The following SBF2 variants were observed in gnomAD, a reference collection of about 807,000 sequenced individuals.
SBF2 encodes the protein myotubularin-related protein 13.
Under a neutral mutation model 225.2 loss-of-function variants are expected in SBF2, and 112 were observed. That is an observed-to-expected ratio of 0.50 (90% confidence interval 0.43 to 0.58). SBF2 has a LOEUF of 0.58. Among genes scored for constraint, SBF2 ranks in the 20% least tolerant of loss-of-function variants. The probability of loss-of-function intolerance (pLI) is 0.00; values close to 1 mark genes in which losing one functional copy is unlikely to be tolerated. For missense variants in SBF2, 1,996 were observed against 2,206.2 expected (o/e 0.90, Z 1.91); for synonymous variants, 763 against 773.3 (o/e 0.99, Z 0.22).
At chr11:9,997,961 A>G (rs1947781645) in intron 9 of SBF2, among the ~76,000 whole-genome samples, 1 of 152,192 alleles carries the variant, frequency 6.6e-6, no homozygotes, top group Non-Finnish European at 1.5e-5. Flanking sequence ...GGAATCAGGG[A>G]TTTCAAGGCA....
At chr11:10,217,197 C>A (rs1032170131) in intron 1 of SBF2, among the ~76,000 whole-genome samples, 1 of 152,056 alleles carries the variant, frequency 6.6e-6, no homozygotes, top group African/African-American at 2.4e-5. Context: ...ATACAAAATT[C>A]CCCATCCTTC....
intron 1 of SBF2, among the ~76,000 whole-genome samples, chr11:10,243,705 C>G (rs958814598): frequency 6.6e-6 from 1 of 152,026 alleles, no homozygotes; most frequent in Non-Finnish European, 1.5e-5. Flanking sequence ...ACAACCTAAA[C>G]AGATAAATTC....
intron 1 of SBF2, among the ~76,000 whole-genome samples, chr11:10,254,924 A>T (rs1345809676): frequency 2.8e-5 from 4 of 145,244 alleles, no homozygotes; most frequent in African/African-American, 1.0e-4. Flanking sequence ...AAAAAAAAAA[A>T]AAAAAAAAAA....
chr11:9,905,545 T>A (rs17355924), intron 16 of SBF2, among the ~76,000 whole-genome samples: 1 of 151,992 alleles, frequency 6.6e-6, no homozygotes, highest in South Asian at 2.1e-4. Context: ...CAGGAGGAAA[T>A]AGGGATGACA....
chr11:10,282,468 A>C (rs1385423925), intron 1 of SBF2, among the ~76,000 whole-genome samples: 2 of 152,008 alleles, frequency 1.3e-5, no homozygotes, highest in African/African-American at 4.8e-5. Flanking sequence ...TAAACACCTA[A>C]ATGACATCTC....
At chr11:10,003,695 T>A (rs554608682) in intron 6 of SBF2, among the ~76,000 whole-genome samples, 2 of 152,144 alleles carry the variant, frequency 1.3e-5, no homozygotes, top group Admixed American at 1.3e-4. Flanking sequence ...TCTTCTCTTT[T>A]TTCCTTCTTT....
chr11:10,208,420 T>C (rs1263127409), intron 1 of SBF2, among the ~76,000 whole-genome samples: 2 of 152,112 alleles, frequency 1.3e-5, no homozygotes, highest in African/African-American at 4.8e-5. Context: ...ACCTTCATTT[T>C]GTATGATGTA....
At chr11:9,847,917 G>A (rs1339899792) in intron 22 of SBF2, among the ~76,000 whole-genome samples, 1 of 152,156 alleles carries the variant, frequency 6.6e-6, no homozygotes, top group Admixed American at 6.6e-5. Context: ...AAGGATCTCT[G>A]CATGCTAGCT....
At chr11:10,100,589 T>C (rs572331097) in intron 2 of SBF2, among the ~76,000 whole-genome samples, 1 of 152,296 alleles carries the variant, frequency 6.6e-6, no homozygotes, top group East Asian at 1.9e-4. Flanking sequence ...AGGGTATATG[T>C]CTGTAGCCTG....
At chr11:10,226,323 T>C (rs951611282) in intron 1 of SBF2, among the ~76,000 whole-genome samples, 1 of 152,108 alleles carries the variant, frequency 6.6e-6, no homozygotes, top group South Asian at 2.1e-4. Context: ...CACATGTATT[T>C]TTTTCTTAAT....
At chr11:10,181,752 TA>T (rs1956744460) in intron 2 of SBF2, among the ~76,000 whole-genome samples, 1 of 152,140 alleles carries the variant, frequency 6.6e-6, no homozygotes, top group African/African-American at 2.4e-5. Context: ...GATATGAGTA[TA>T]ATTCCAAGGC....
intron 1 of SBF2, among the ~76,000 whole-genome samples, chr11:10,209,309 G>T (rs2896533): frequency 7.6e-5 from 11 of 145,096 alleles, no homozygotes; most frequent in South Asian, 4.3e-4. Context: ...CCACAAATTT[G>T]TTTTTTTTTT....
chr11:10,245,924 A>G (rs1188332220), intron 1 of SBF2, among the ~76,000 whole-genome samples: 1 of 152,218 alleles, frequency 6.6e-6, no homozygotes, highest in Non-Finnish European at 1.5e-5. Flanking sequence ...GGGGGAATCT[A>G]TAATAGCCAA....
At position 9,963,780 on chromosome 11, in the gene SBF2, G is replaced by C; in HGVS notation, c.1703C>G (p.Thr568Ser). The change falls in exon 15 of 40, where the codon ACT becomes AGT. Residue 568 changes from threonine (T) to serine (S), a missense_variant. Physicochemically the swap from Thr to Ser is moderately conservative, Grantham distance 58. Coordinates refer to ENST00000256190, the MANE Select transcript of SBF2 (RefSeq NM_030962.4). ...SFIFENKILE[T>S]EKTLPAALRA... is the part of the protein sequence containing the mutation. ...AAGATCACATTTTATTACCTTTTCA[G>C]TTTCCAAAATTTTATTTTCAAATAT... The C allele has an allele frequency of 1.3e-6, 2 of 1,521,948 alleles. No homozygotes were observed. Among genetic ancestry groups the C allele is most frequent in the Non-Finnish European group, 1.8e-6 (2 of 1,100,716 alleles). 94.3% of individuals were successfully genotyped at this position (1,521,948 alleles called of 1,614,324 possible).
At chr11:10,012,143 T>C (rs1948482705) in intron 6 of SBF2, among the ~76,000 whole-genome samples, 1 of 152,204 alleles carries the variant, frequency 6.6e-6, no homozygotes, top group Non-Finnish European at 1.5e-5. Flanking sequence ...TAGTGAATTT[T>C]TTGTTTCAGT....
chr11:9,842,869 A>C (rs201138459), intron 24 of SBF2, 99 bp from the exon 25 acceptor site: 330 of 1,169,726 alleles, frequency 2.8e-4, no homozygotes, highest in Middle Eastern at 2.0e-4. Flanking sequence ...CTCCTTTCCC[A>C]CAGCCACTAC....
intron 2 of SBF2, among the ~76,000 whole-genome samples, chr11:10,142,005 A>G (rs189426313): frequency 2.6e-5 from 4 of 152,304 alleles, no homozygotes; most frequent in Admixed American, 2.0e-4. Context: ...TAGAAACATC[A>G]TTCCTCCAAT....
chr11:9,986,789 T>C (rs965310897), intron 13 of SBF2, among the ~76,000 whole-genome samples: 2 of 151,838 alleles, frequency 1.3e-5, no homozygotes, highest in African/African-American at 4.8e-5. Context: ...AATTAAAAAA[T>C]TACCAACAAA....
chr11:9,997,177 G>A lies in SBF2; in HGVS notation c.975+1089C>T, dbSNP rs191070874. 2.9e-5 allele frequency among the ~76,000 whole-genome samples: 4 copies of A among 136,722 alleles called. No homozygotes were observed. The East Asian group carries it at 8.1e-4, about 28-fold the overall frequency. The allele number at this position is 136,722 out of a possible 152,430, so 89.7% of individuals were successfully genotyped here. A position where few individuals can be genotyped will look rare whatever the true frequency, so the allele number is the denominator to read the frequency against. ...TAGGCTTCTAAGTTTCTATTTAAGA[G>A]GGGAAAAAATGTTTTAAATAGCCCA... is the stretch of plus-strand genomic sequence containing the variant. On this transcript the variant is annotated intron_variant, in intron 9 of 39. Transcript: ENST00000256190.
Sources: allele counts gnomAD v4.1 joint callset (sites outside exome capture counted in the v4.1 genomes callset), GRCh38; gene constraint gnomAD v4.1.1; transcripts MANE v1.5; gene names NCBI Gene and HGNC (gene_info 2026-07-23, HGNC 2026-07-21).